TBCD: variants seen among roughly 807,000 people sequenced by gnomAD.
TBCD encodes tubulin folding cofactor D.
Under a neutral mutation model 169.3 loss-of-function variants are expected in TBCD, and 105 were observed. The ratio of observed to expected loss-of-function variants is 0.62; its 90% CI spans 0.53 to 0.73. The LOEUF is 0.73. TBCD is among the 30% of genes least tolerant of loss of function. The pLI is 0.00. For synonymous variants in TBCD, 700 were observed against 643.9 expected (o/e 1.09, Z -1.32); for missense variants, 1,444 against 1,600.1 (o/e 0.90, Z 1.66).
intron 19 of TBCD, among the ~76,000 whole-genome samples, chr17:82,904,503 G>A (rs930812995): frequency 3.3e-5 from 5 of 152,246 alleles, no homozygotes; most frequent in Non-Finnish European, 5.9e-5. Context: ...CCTTGGAATG[G>A]CTCAGCTAAG....
chr17:82,878,257 T>TA (rs11452108), intron 14 of TBCD, among the ~76,000 whole-genome samples: 91,115 of 151,964 alleles, frequency 0.6, 27,347 homozygotes, highest in East Asian at 0.71. Context: ...TTGGGGCACT[T>TA]AAAAAATAGG....
rs1249342016 is a variant in TBCD at position 82,930,104 on chromosome 17, C to T, written c.2992-418C>T. The T allele has an allele frequency of 1.2e-5, 3 of 253,172 alleles. No individual in the cohort carries two copies. The highest frequency in any genetic ancestry group is 1.0e-4 in the East Asian group (1 of 10,008). 15.7% of individuals were successfully genotyped at this position (253,172 alleles called of 1,614,324 possible). On this transcript the variant is annotated intron_variant, in intron 32 of 38. Transcript: ENST00000355528. The surrounding 1 kb of genome is among the most constrained non-coding windows in gnomAD (Gnocchi z 5.2). The stretch of plus-strand genomic sequence containing the variant: ...GTGCGGGGAGACCCGGGCCCCAGGA[C>T]GTGAGGTGCCCTCTGCGCCGTGCGG...
At chr17:82,787,346 C>G (rs143086196) in intron 7 of TBCD, among the ~76,000 whole-genome samples, 8 of 152,238 alleles carry the variant, frequency 5.3e-5, no homozygotes, top group Non-Finnish European at 1.2e-4. Context: ...CGTGAAGCAA[C>G]GCCTGGCGGG....
intron 2 of TBCD, 56 bp downstream of exon 2, chr17:82,756,271 T>TA: frequency 6.6e-7 from 1 of 1,512,962 alleles, no homozygotes; most frequent in East Asian, 2.4e-5. Context: ...CACGGAGGCC[T>TA]TGGTGTGTGG....
chr17:82,875,291 A>G (rs2057884042), intron 14 of TBCD, among the ~76,000 whole-genome samples: 1 of 152,114 alleles, frequency 6.6e-6, no homozygotes, highest in Non-Finnish European at 1.5e-5. Context: ...TAGTGAATGG[A>G]TTTCCCTGAG....
chr17:82,873,321 G>A (rs528496949), intron 14 of TBCD, among the ~76,000 whole-genome samples: 3 of 152,314 alleles, frequency 2.0e-5, no homozygotes, highest in South Asian at 2.1e-4. Flanking sequence ...TTGAGGGCTG[G>A]CACAGGACAT....
Position 82,782,623 on chromosome 17 carries a change from G to A in TBCD, c.771+902G>A, listed in dbSNP as rs1405185543. ...ATGATCCCAAAGTGCTGGGATTACA[G>A]GCTTGAGCCGCCGCGCCTGGAAGGA... On this transcript the variant is annotated intron_variant, in intron 7 of 38. Coordinates refer to ENST00000355528, the MANE Select transcript of TBCD (RefSeq NM_005993.5). This position sits in a 1 kb window ranked among gnomAD's most constrained non-coding sequence, Gnocchi z 5.1. Among the ~76,000 whole-genome samples the A allele has an allele frequency of 2.6e-5, 4 of 152,224 alleles. No homozygotes were observed. The highest frequency in any genetic ancestry group is 9.6e-5 in the African/African-American group (4 of 41,460).
chr17:82,758,401 A>AAT (rs1555672647), intron 2 of TBCD, among the ~76,000 whole-genome samples: 10 of 82,416 alleles, frequency 1.2e-4, no homozygotes, highest in East Asian at 3.4e-4. Flanking sequence ...AAAAAAAAAA[A>AAT]AATAAATAAA....
rs2147503383 is a variant in TBCD at position 82,937,973 on chromosome 17, C to T, written c.3282-76C>T. On this transcript the variant is annotated intron_variant, in intron 35 of 38. Coordinates refer to ENST00000355528, the MANE Select transcript of TBCD (RefSeq NM_005993.5). ...TGCTCTGCCCAGGTCTCTGCATGGG[C>T]CTTTGGGTCCGGGGTTTGCTGGGGT... 2.5e-6 allele frequency: 4 copies of T among 1,585,312 alleles called. No homozygotes were observed. In the East Asian group the frequency reaches 9.3e-5, roughly 37 times the overall value.
In TBCD at chr17:82,945,832, T is replaced by C. The variant is rs902657151; in HGVS notation, c.*3369T>C. 6.6e-6 allele frequency: 1 copy of C among 152,210 alleles called. No homozygotes were observed. The highest frequency in any genetic ancestry group is 2.4e-5 in the African/African-American group (1 of 41,452). 9.4% of individuals were successfully genotyped at this position (152,210 alleles called of 1,614,324 possible). The stretch of plus-strand genomic sequence containing the variant: ...AACCACTGCTTTAGTGGATAAACTT[T>C]AGGCAGGAGGGAAATGATCGCAGTT... On this transcript the variant is annotated 3_prime_UTR_variant, in exon 39 of 39. Coordinates refer to ENST00000355528, the MANE Select transcript of TBCD (RefSeq NM_005993.5).
intron 13 of TBCD, among the ~76,000 whole-genome samples, chr17:82,840,739 C>T (rs1445471964): frequency 6.6e-6 from 1 of 151,852 alleles, no homozygotes; most frequent in African/African-American, 2.4e-5. Context: ...ACTTGGGGGC[C>T]AGTTTTTACC....
intron 23 of TBCD, 58 bp downstream of exon 23, chr17:82,911,847 G>C (rs1195879374): frequency 6.3e-7 from 1 of 1,599,328 alleles, no homozygotes; most frequent in Non-Finnish European, 8.6e-7. Flanking sequence ...ATCGTTGAGG[G>C]AGGTGTGCTC....
chr17:82,851,768 A>G (rs1002193496), intron 13 of TBCD, among the ~76,000 whole-genome samples: 23 of 152,220 alleles, frequency 1.5e-4, no homozygotes, highest in African/African-American at 5.3e-4. Flanking sequence ...AGCCTTACAC[A>G]CGGAAGGGAG....
intron 13 of TBCD, chr17:82,830,968 A>G (rs970603960): frequency 1.9e-6 from 3 of 1,613,390 alleles, no homozygotes; most frequent in African/African-American, 2.7e-5. Context: ...TGGCTCATGG[A>G]ACCCAACCAG....
chr17:82,926,384 CT>C lies in TBCD; in HGVS notation c.2380-13del. 1 of 1,612,752 alleles carries C rather than the reference CT, an allele frequency of 6.2e-7. No individual in the cohort carries two copies. On this transcript the variant is annotated splice_polypyrimidine_tract_variant and intron_variant, in intron 27 of 38. Coordinates refer to ENST00000355528, the MANE Select transcript of TBCD (RefSeq NM_005993.5). ...TATAGCTTATGGTTCTTCTGTGATT[CT>C]TTATTGCTTTCCAGGTTCTCACAGG...
intron 14 of TBCD, chr17:82,876,898 G>A (rs1306410311): frequency 3.2e-6 from 3 of 935,384 alleles, no homozygotes; most frequent in Non-Finnish European, 3.8e-6. Flanking sequence ...GAGTGCCTGC[G>A]TCTCCTGCTG....
intron 16 of TBCD, among the ~76,000 whole-genome samples, chr17:82,891,989 C>T (rs1227547280): frequency 6.6e-6 from 1 of 152,182 alleles, no homozygotes; most frequent in Non-Finnish European, 1.5e-5. Context: ...CCCCCGACAC[C>T]ATCAGGCCCT....
At chr17:82,876,781 G>A (rs911666912) in intron 14 of TBCD, among the ~76,000 whole-genome samples, 1 of 152,198 alleles carries the variant, frequency 6.6e-6, no homozygotes, top group Non-Finnish European at 1.5e-5. Flanking sequence ...CTCATGGCAG[G>A]AGCCAGCTTC....
At chr17:82,801,846 G>A (rs1226121803) in intron 9 of TBCD, among the ~76,000 whole-genome samples, 3 of 139,832 alleles carry the variant, frequency 2.1e-5, no homozygotes, top group South Asian at 2.4e-4. Flanking sequence ...CGTGTGGTTC[G>A]GAGTCAGCGT....
Sources: allele counts gnomAD v4.1 joint callset (sites outside exome capture counted in the v4.1 genomes callset), GRCh38; gene constraint gnomAD v4.1.1; non-coding constraint Gnocchi (gnomAD v3.1); transcripts MANE v1.5; gene names NCBI Gene and HGNC (gene_info 2026-07-23, HGNC 2026-07-21).